Variants in ZMYM2 observed in about 807,000 individuals in gnomAD.
ZMYM2 encodes the protein zinc finger MYM-type containing 2.
A neutral mutation model predicts 162.8 loss-of-function variants in ZMYM2; 56 were observed. That is an observed-to-expected ratio of 0.34 (90% CI 0.28 to 0.43). The LOEUF (loss-of-function observed/expected upper bound fraction) is 0.43, where lower values mean the gene tolerates loss of function less well. ZMYM2 is among the 20% of genes least tolerant of loss of function. The pLI, the probability that ZMYM2 is intolerant of heterozygous loss-of-function variation, is 1.00. For synonymous variants in ZMYM2, 510 were observed against 541.6 expected (o/e 0.94, Z 0.81); for missense variants, 1,275 against 1,621.8 (o/e 0.79, Z 3.67).
At chr13:20,055,542 A>G (rs1157417602) in intron 14 of ZMYM2, among the ~76,000 whole-genome samples, 1 of 152,194 alleles carries the variant, frequency 6.6e-6, no homozygotes, top group South Asian at 2.1e-4. Context: ...AGTGCTGTCT[A>G]GTGTCACTAA....
intron 9 of ZMYM2, among the ~76,000 whole-genome samples, chr13:20,030,139 T>C (rs181785376): frequency 1.8e-4 from 28 of 152,208 alleles, no homozygotes; most frequent in African/African-American, 6.5e-4. Flanking sequence ...GTAAAATTCC[T>C]CTTATGAATA....
intron 9 of ZMYM2, among the ~76,000 whole-genome samples, chr13:20,027,646 G>C (rs1455082626): frequency 6.6e-6 from 1 of 152,036 alleles, no homozygotes; most frequent in East Asian, 1.9e-4. Context: ...TGTGACAAAC[G>C]GATAGAGGAC....
At chr13:19,879,643 T>C in the ZMYM2 span, among the ~76,000 whole-genome samples, 1 of 152,236 alleles carries the variant, frequency 6.6e-6, no homozygotes, top group Non-Finnish European at 1.5e-5. Context: ...TGAGATTTCA[T>C]ATAAATTTTA....
At chr13:20,050,357 A>G (rs1160330169) in intron 12 of ZMYM2, among the ~76,000 whole-genome samples, 2 of 152,022 alleles carry the variant, frequency 1.3e-5, no homozygotes, top group South Asian at 4.1e-4. Context: ...CTCTTGAAAT[A>G]CAACGTGAGA....
the ZMYM2 span, among the ~76,000 whole-genome samples, chr13:19,880,595 A>C: frequency 6.6e-6 from 1 of 151,498 alleles, no homozygotes; most frequent in Non-Finnish European, 1.5e-5. Context: ...CGCCCGGCTA[A>C]TTTTTTGTAT....
At chr13:20,083,602 T>G in intron 23 of ZMYM2, 54 bp from the exon 24 acceptor site, 1 of 1,361,174 alleles carries the variant, frequency 7.3e-7, no homozygotes. Context: ...GAGTGATGTT[T>G]ATATCTTTCT....
At chr13:19,911,729 T>A in the ZMYM2 span, among the ~76,000 whole-genome samples, 3 of 152,204 alleles carry the variant, frequency 2.0e-5, no homozygotes, top group African/African-American at 4.8e-5. Context: ...AGTTCCAGCA[T>A]GCATATTTGC....
rs372939833 is a variant in ZMYM2 at position 20,018,941 on chromosome 13, G to A, written c.1513-606G>A. Among the ~76,000 whole-genome samples, 19 of 152,084 alleles carry A rather than the reference G, an allele frequency of 1.2e-4. No homozygotes were observed. The South Asian group carries it at 3.1e-3, about 25-fold the overall frequency. On this transcript the variant is annotated intron_variant, in intron 6 of 24. Transcript: ENST00000610343. ...CTAAAAATACAAAAACTAGCCAGGC[G>A]TAGTGGCAGGCGCCTGTAATCCCAG...
intron 21 of ZMYM2, 106 bp downstream of exon 21, chr13:20,067,496 C>T (rs577183400): frequency 2.4e-5 from 28 of 1,179,140 alleles, no homozygotes; most frequent in Middle Eastern, 2.0e-4. Flanking sequence ...CCAAGAAACA[C>T]ATCTACAAAG....
chr13:19,867,800 A>G, the ZMYM2 span, among the ~76,000 whole-genome samples: 9 of 152,056 alleles, frequency 5.9e-5, no homozygotes, highest in Non-Finnish European at 2.9e-5. Context: ...TAATTTTTGT[A>G]TTTTTAGTAG....
At chr13:20,056,049 A>G (rs1004897569) in intron 14 of ZMYM2, among the ~76,000 whole-genome samples, 1 of 152,154 alleles carries the variant, frequency 6.6e-6, no homozygotes, top group Non-Finnish European at 1.5e-5. Flanking sequence ...GGACTGGCTT[A>G]TTTTTACGAG....
chr13:19,885,952 CACAT>C, the ZMYM2 span, among the ~76,000 whole-genome samples: 38 of 88,884 alleles, frequency 4.3e-4, 1 homozygote, highest in Admixed American at 6.8e-4. Context: ...TATGTATATA[CACAT>C]ATATATGTGT....
At chr13:19,933,836 G>A in the ZMYM2 span, among the ~76,000 whole-genome samples, 2 of 152,196 alleles carry the variant, frequency 1.3e-5, no homozygotes, top group African/African-American at 4.8e-5. Context: ...ACTCTCTTCA[G>A]ACAGAGTAAG....
At chr13:19,980,371 G>T (rs995883700) in intron 2 of ZMYM2, among the ~76,000 whole-genome samples, 1 of 151,872 alleles carries the variant, frequency 6.6e-6, no homozygotes, top group Non-Finnish European at 1.5e-5. Flanking sequence ...TGTTTGGTCC[G>T]TCTTTTCTTA....
At chr13:20,037,612 T>G (rs77455654) in intron 12 of ZMYM2, among the ~76,000 whole-genome samples, 15,434 of 152,218 alleles carry the variant, frequency 0.1, 1,286 homozygotes, top group African/African-American at 0.22. Context: ...TGCTCTTTTT[T>G]GGCTTTTTGC....
chr13:19,869,297 A>G, the ZMYM2 span, among the ~76,000 whole-genome samples: 2 of 152,010 alleles, frequency 1.3e-5, no homozygotes, highest in Admixed American at 6.6e-5. Flanking sequence ...TTTACTTTCT[A>G]TTTTTATTGA....
chr13:20,046,827 T>A (rs1403865217), intron 12 of ZMYM2, among the ~76,000 whole-genome samples: 1 of 151,858 alleles, frequency 6.6e-6, no homozygotes, highest in Non-Finnish European at 1.5e-5. Flanking sequence ...CTATGTTTTT[T>A]AAAAGATAGT....
At chr13:19,890,789 G>A in the ZMYM2 span, among the ~76,000 whole-genome samples, 3 of 151,376 alleles carry the variant, frequency 2.0e-5, no homozygotes, top group African/African-American at 2.4e-5. Context: ...GGAGAATGTC[G>A]TGAACCCGAG....
At chr13:20,064,568 A>G (rs1956525818) in intron 19 of ZMYM2, 23 bp downstream of exon 19, 14 of 1,519,128 alleles carry the variant, frequency 9.2e-6, no homozygotes, top group South Asian at 8.9e-5. Context: ...AATAGCCTAT[A>G]TAACAATATT....
Sources: gnomAD v4.1 joint callset for allele counts (sites outside exome capture counted in the v4.1 genomes callset) on GRCh38, gnomAD v4.1.1 for gene constraint, MANE v1.5 for transcripts, NCBI Gene and HGNC (gene_info 2026-07-23, HGNC 2026-07-21) for gene names.